The following GJC1 variants were observed in gnomAD, a reference collection of about 807,000 sequenced individuals.
The protein encoded by GJC1 is gap junction protein gamma 1.
In GJC1, 5 loss-of-function variants were observed where a neutral mutation model predicts 29.3. The ratio of observed to expected loss-of-function variants is 0.17; its 90% CI spans 0.09 to 0.36. The LOEUF (loss-of-function observed/expected upper bound fraction) is 0.36. Ranked by LOEUF, GJC1 falls within the 10% of genes least tolerant of loss-of-function variation. GJC1 has a pLI of 1.00. For synonymous variants in GJC1, 177 were observed against 183.3 expected (o/e 0.97, Z 0.28); for missense variants, 310 against 496.2 (o/e 0.62, Z 3.56).
chr17:44,821,145 C>T (rs1199564289), intron 1 of GJC1, among the ~76,000 whole-genome samples: 2 of 152,088 alleles, frequency 1.3e-5, no homozygotes, highest in African/African-American at 4.8e-5. Context: ...AATGTAAGAA[C>T]CTTCAGGAAC....
In GJC1 at chr17:44,830,261, TC is replaced by T. The variant is rs1279065033; in HGVS notation, c.-297del. The T allele has an allele frequency of 3.2e-5, 5 of 157,806 alleles. No homozygotes were observed. In the South Asian group the frequency reaches 8.7e-4, roughly 27 times the overall value. 9.8% of individuals were successfully genotyped at this position (157,806 alleles called of 1,614,324 possible). A position where few individuals can be genotyped will look rare whatever the true frequency, so the allele number is the denominator to read the frequency against. ...TGCCGCCGCCGCCGCCGCCTCCCGCTCCCGCCGCCGCGACCCGCGGGAAGGC... is the reference window on the plus strand; with the variant it reads ...TGCCGCCGCCGCCGCCGCCTCCCGCTCCGCCGCCGCGACCCGCGGGAAGGC... On this transcript the variant is annotated 5_prime_UTR_variant, in exon 1 of 3. Transcript: ENST00000592524. The surrounding 1 kb of genome is among the most constrained non-coding windows in gnomAD (Gnocchi z 4.3).
At chr17:44,816,995 G>T (rs984205960) in intron 1 of GJC1, among the ~76,000 whole-genome samples, 4 of 151,736 alleles carry the variant, frequency 2.6e-5, no homozygotes, top group African/African-American at 7.3e-5. Flanking sequence ...CGGATCACCT[G>T]AAGTCAGGAG....
At chr17:44,829,694 C>A (rs1364684990) in intron 1 of GJC1, 1 of 152,044 alleles carries the variant, frequency 6.6e-6, no homozygotes, top group Non-Finnish European at 1.5e-5. Context: ...GGGTAGTTGT[C>A]GGCACCGCCG....
chr17:44,824,853 G>C (rs1212230810), intron 1 of GJC1, among the ~76,000 whole-genome samples: 1 of 134,836 alleles, frequency 7.4e-6, no homozygotes, highest in African/African-American at 2.7e-5. Flanking sequence ...AGTGAGAAGG[G>C]GGGGAAAGAA....
chr17:44,817,586 TG>T (rs910691316), intron 1 of GJC1, among the ~76,000 whole-genome samples: 1 of 152,062 alleles, frequency 6.6e-6, no homozygotes, highest in African/African-American at 2.4e-5. Context: ...GGTGCATGCC[TG>T]TAATCCTAGT....
chr17:44,822,417 G>A (rs1254863322), intron 1 of GJC1, among the ~76,000 whole-genome samples: 1 of 151,460 alleles, frequency 6.6e-6, no homozygotes, highest in African/African-American at 2.4e-5. Context: ...CGAGGCGGGT[G>A]GATCACCTGA....
chr17:44,825,951 C>T (rs2050170644), intron 1 of GJC1, among the ~76,000 whole-genome samples: 1 of 152,078 alleles, frequency 6.6e-6, no homozygotes, highest in Non-Finnish European at 1.5e-5. Context: ...GACAGAGTCT[C>T]GCTCTGTCGC....
intron 1 of GJC1, among the ~76,000 whole-genome samples, chr17:44,811,380 C>A (rs1366385224): frequency 2.0e-5 from 3 of 150,262 alleles, no homozygotes; most frequent in Non-Finnish European, 4.4e-5. Context: ...CTGCACCTGG[C>A]CTTTTTTCTT....
At chr17:44,823,386 G>A (rs1263347725) in intron 1 of GJC1, among the ~76,000 whole-genome samples, 2 of 151,614 alleles carry the variant, frequency 1.3e-5, no homozygotes, top group Non-Finnish European at 2.9e-5. Flanking sequence ...CAAGTAGCTG[G>A]GACTACAGGT....
At chr17:44,819,933 A>G (rs1011246559) in intron 1 of GJC1, among the ~76,000 whole-genome samples, 15 of 151,750 alleles carry the variant, frequency 9.9e-5, no homozygotes, top group Non-Finnish European at 2.2e-4. Context: ...TCTCGGCTCA[A>G]TGCAACCTCT....
In GJC1 at chr17:44,804,435, G is replaced by C. The variant is rs1400376534; in HGVS notation, c.*192C>G. 5.3e-6 allele frequency: 3 copies of C among 568,642 alleles called. No homozygotes were observed. The highest frequency in any genetic ancestry group is 4.6e-4 in the Middle Eastern group (1 of 2,188). The allele number at this position is 568,642 out of a possible 1,614,324, so 35.2% of individuals were successfully genotyped here. A position where few individuals can be genotyped will look rare whatever the true frequency, so the allele number is the denominator to read the frequency against. On this transcript the variant is annotated 3_prime_UTR_variant, in exon 3 of 3. Transcript: ENST00000592524. ...AACTGTATTATTGCTAAGAACATGT[G>C]CCTGGGAACACTGTGTTTCCCTTTC...
chr17:44,821,697 C>CAAAAAAAAAAAAAAAAAAAAAAAAAA (rs61303163), intron 1 of GJC1, among the ~76,000 whole-genome samples: 3 of 58,356 alleles, frequency 5.1e-5, no homozygotes, highest in African/African-American at 1.6e-4. Context: ...AACTCCGTCT[C>CAAAAAAAAAAAAAAAAAAAAAAAAAA]AAAAAAAAAA....
At chr17:44,811,964 T>C (rs192563524) in intron 1 of GJC1, among the ~76,000 whole-genome samples, 2 of 147,090 alleles carry the variant, frequency 1.4e-5, no homozygotes, top group South Asian at 2.2e-4. Context: ...GATCGTCCCA[T>C]TGCACTCCGG....
chr17:44,794,542 T>C (rs2049773008), downstream of GJC1: 1 of 152,208 alleles, frequency 6.6e-6, no homozygotes, highest in Non-Finnish European at 1.5e-5. Flanking sequence ...TTCAGAAAAA[T>C]GGGCCAGGCC....
intron 1 of GJC1, among the ~76,000 whole-genome samples, chr17:44,821,254 A>G (rs761139669): frequency 6.6e-6 from 1 of 152,254 alleles, no homozygotes; most frequent in Non-Finnish European, 1.5e-5. Context: ...CAATATTGGA[A>G]CATTTGTCCA....
Position 44,802,740 on chromosome 17 carries a change from A to G in GJC1, c.*1887T>C, listed in dbSNP as rs1328552742. 2.0e-5 allele frequency: 3 copies of G among 152,230 alleles called. No homozygotes were observed. The highest frequency in any genetic ancestry group is 4.4e-5 in the Non-Finnish European group (3 of 68,044). 9.4% of individuals were successfully genotyped at this position (152,230 alleles called of 1,614,324 possible). On this transcript the variant is annotated 3_prime_UTR_variant, in exon 3 of 3. Transcript: ENST00000592524. Reference sequence around the variant, plus strand: ...CTGGGCATGGTGGCTCACACCTATAATACTAACACTTTGAGAGGCTGAGGC... The same window carrying G: ...CTGGGCATGGTGGCTCACACCTATAGTACTAACACTTTGAGAGGCTGAGGC...
intron 1 of GJC1, among the ~76,000 whole-genome samples, chr17:44,816,186 A>G (rs548295267): frequency 1.3e-5 from 2 of 151,764 alleles, no homozygotes; most frequent in South Asian, 4.2e-4. Context: ...ACTGCAATTC[A>G]TGGTAGCCCA....
At chr17:44,813,684 C>T (rs556055333) in intron 1 of GJC1, among the ~76,000 whole-genome samples, 1 of 151,634 alleles carries the variant, frequency 6.6e-6, no homozygotes, top group South Asian at 2.1e-4. Context: ...GGAGAGACAG[C>T]GTTTCACCAT....
At chr17:44,822,500 G>T (rs9908455) in intron 1 of GJC1, among the ~76,000 whole-genome samples, 1 of 151,352 alleles carries the variant, frequency 6.6e-6, no homozygotes, top group East Asian at 2.0e-4. Context: ...AAAATTAGCT[G>T]GGCGTGGTGG....
Sources: allele counts gnomAD v4.1 joint callset (sites outside exome capture counted in the v4.1 genomes callset), GRCh38; gene constraint gnomAD v4.1.1; non-coding constraint Gnocchi (gnomAD v3.1); transcripts MANE v1.5; gene names NCBI Gene and HGNC (gene_info 2026-07-23, HGNC 2026-07-21).